ASB4: variants seen among roughly 807,000 people sequenced by gnomAD.
The protein encoded by ASB4 is ankyrin repeat and SOCS box protein 4.
ASB4 carries 35 observed loss-of-function variants against 38.6 expected under a neutral mutation model. The ratio of observed to expected loss-of-function variants is 0.91; its 90% CI spans 0.69 to 1.20. The LOEUF (loss-of-function observed/expected upper bound fraction) is 1.20, where lower values mean the gene tolerates loss of function less well. Ranked by LOEUF, ASB4 falls within the 50% of genes most tolerant of loss-of-function variation. The pLI is 0.00. For missense variants in ASB4, 557 were observed against 527.2 expected (o/e 1.06, Z -0.55); for synonymous variants, 195 against 201.3 (o/e 0.97, Z 0.26).
chr7:95,520,775 G>A (rs1790651339), intron 2 of ASB4, among the ~76,000 whole-genome samples: 1 of 151,706 alleles, frequency 6.6e-6, no homozygotes, highest in African/African-American at 2.4e-5. Flanking sequence ...GATGCTTTCT[G>A]TAGGTAGGTC....
chr7:95,543,905 A>G (rs1054405011), downstream of ASB4: 1 of 152,196 alleles, frequency 6.6e-6, no homozygotes, highest in Admixed American at 6.5e-5. Context: ...ATTATGATAC[A>G]ACCATGTAAC....
At position 95,538,744 on chromosome 7, in the gene ASB4, C is replaced by T. The variant is rs1286114859; in HGVS notation, c.*985C>T. 1 of 152,074 alleles carries T rather than the reference C, an allele frequency of 6.6e-6. No individual in the cohort carries two copies. Among genetic ancestry groups the T allele is most frequent in the Non-Finnish European group, 1.5e-5 (1 of 68,006 alleles). 9.4% of individuals were successfully genotyped at this position (152,074 alleles called of 1,614,324 possible). On this transcript the variant is annotated 3_prime_UTR_variant, in exon 5 of 5. Transcript: ENST00000325885. ...CAGACTCCTTGAGAAAAATATTGCA[C>T]ACTCAATGGCTCCAGTGCATGTGAC...
At chr7:95,508,823 A>G (rs552274309) in intron 2 of ASB4, among the ~76,000 whole-genome samples, 22 of 152,354 alleles carry the variant, frequency 1.4e-4, no homozygotes, top group African/African-American at 4.8e-4. Flanking sequence ...TAATGGACAA[A>G]GAGAACACAG....
chr7:95,533,102 C>T (rs1481318110), intron 3 of ASB4, among the ~76,000 whole-genome samples: 1 of 152,160 alleles, frequency 6.6e-6, no homozygotes, highest in Non-Finnish European at 1.5e-5. Context: ...GCTTGCTCAA[C>T]CTTGGGTCTA....
intron 2 of ASB4, among the ~76,000 whole-genome samples, chr7:95,524,835 C>A (rs1790715498): frequency 1.3e-5 from 2 of 152,154 alleles, no homozygotes; most frequent in South Asian, 2.1e-4. Context: ...TGGGATGGAG[C>A]TATGGAAGTT....
At chr7:95,481,071 A>G (rs1040660032), upstream of ASB4, among the ~76,000 whole-genome samples, 1 of 152,236 alleles carries the variant, frequency 6.6e-6, no homozygotes, top group African/African-American at 2.4e-5. Flanking sequence ...CTGACCTTGT[A>G]TAATTCATTT....
At position 95,490,501 on chromosome 7, in the gene ASB4, G is replaced by A. The variant is rs962579771; in HGVS notation, c.187+4343G>A. Reference sequence around the variant, plus strand: ...TCCTTCAGGACTGTGTAAATACATGGACACAGGCAGAGCAAATGTCTGCTA... The same window carrying A: ...TCCTTCAGGACTGTGTAAATACATGAACACAGGCAGAGCAAATGTCTGCTA... On this transcript the variant is annotated intron_variant, in intron 1 of 4. Coordinates refer to ENST00000325885, the MANE Select transcript of ASB4 (RefSeq NM_016116.3). 1.9e-4 allele frequency among the ~76,000 whole-genome samples: 29 copies of A among 152,184 alleles called. 1 individual carries two copies. Among genetic ancestry groups the A allele is most frequent in the Admixed American group, 1.9e-3 (29 of 15,280 alleles).
the ASB4 span, among the ~76,000 whole-genome samples, chr7:95,473,425 T>C: frequency 1.3e-5 from 2 of 152,190 alleles, no homozygotes; most frequent in Non-Finnish European, 2.9e-5. Flanking sequence ...GCTGCCTGGC[T>C]GTGAGAGCCA....
upstream of ASB4, among the ~76,000 whole-genome samples, chr7:95,477,248 A>T (rs1255857310): frequency 6.6e-6 from 1 of 152,168 alleles, no homozygotes; most frequent in Non-Finnish European, 1.5e-5. Context: ...TCTCTCTAGA[A>T]AAACGTTTGT....
chr7:95,496,565 G>A (rs1000400642), intron 2 of ASB4, among the ~76,000 whole-genome samples: 1 of 152,132 alleles, frequency 6.6e-6, no homozygotes, highest in Non-Finnish European at 1.5e-5. Flanking sequence ...TGAAAAGGAC[G>A]GCCAGGTGCT....
the ASB4 span, among the ~76,000 whole-genome samples, chr7:95,547,856 A>G: frequency 1.3e-5 from 2 of 152,226 alleles, no homozygotes; most frequent in African/African-American, 4.8e-5. Context: ...CTGAAACATT[A>G]ACTCTTCCCT....
chr7:95,488,419 G>A (rs1790123703), intron 1 of ASB4, among the ~76,000 whole-genome samples: 1 of 152,190 alleles, frequency 6.6e-6, no homozygotes, highest in South Asian at 2.1e-4. Flanking sequence ...TTAAACTTAG[G>A]AATGGAAAGT....
the ASB4 span, among the ~76,000 whole-genome samples, chr7:95,549,154 G>T: frequency 6.6e-6 from 1 of 152,126 alleles, no homozygotes; most frequent in African/African-American, 2.4e-5. Context: ...TTAGGAGAGA[G>T]TTACGGGAGG....
chr7:95,535,529 G>T (rs1021118378), intron 3 of ASB4, among the ~76,000 whole-genome samples: 12 of 152,182 alleles, frequency 7.9e-5, no homozygotes, highest in African/African-American at 2.9e-4. Flanking sequence ...GGGTGGCAAT[G>T]GAAAGAAAGA....
At chr7:95,496,864 A>G (rs76158640) in intron 2 of ASB4, among the ~76,000 whole-genome samples, 29,972 of 152,050 alleles carry the variant, frequency 0.2, 3,160 homozygotes, top group Middle Eastern at 0.33. Flanking sequence ...AAAAACAAAG[A>G]ACAAAAACAA....
At chr7:95,530,580 G>T (rs1046474988) in intron 3 of ASB4, among the ~76,000 whole-genome samples, 6 of 152,268 alleles carry the variant, frequency 3.9e-5, no homozygotes, top group South Asian at 2.1e-4. Context: ...GTAGGAGAGG[G>T]CTAAGCATGT....
At chr7:95,478,024 T>G (rs887438148), upstream of ASB4, among the ~76,000 whole-genome samples, 1 of 152,198 alleles carries the variant, frequency 6.6e-6, no homozygotes, top group Non-Finnish European at 1.5e-5. Context: ...GATGAATCTT[T>G]GCAATTGGTA....
At chr7:95,498,654 T>G (rs573718848) in intron 2 of ASB4, among the ~76,000 whole-genome samples, 3 of 152,342 alleles carry the variant, frequency 2.0e-5, no homozygotes, top group Admixed American at 1.3e-4. Flanking sequence ...TTTCTTTTCA[T>G]TTTCCTAACA....
At chr7:95,549,360 G>C in the ASB4 span, among the ~76,000 whole-genome samples, 3 of 138,498 alleles carry the variant, frequency 2.2e-5, no homozygotes, top group East Asian at 2.5e-4. Context: ...GCAGTGGTGC[G>C]ATCTCCACTC....
Sources: gnomAD v4.1 joint callset for allele counts (sites outside exome capture counted in the v4.1 genomes callset) on GRCh38, gnomAD v4.1.1 for gene constraint, MANE v1.5 for transcripts, NCBI Gene and HGNC (gene_info 2026-07-23, HGNC 2026-07-21) for gene names.